The following CALU variants were observed in gnomAD, a reference collection of about 807,000 sequenced individuals.
CALU encodes IEF SSP 9302.
Under a neutral mutation model 37.5 loss-of-function variants are expected in CALU, and 13 were observed. The observed-to-expected ratio is 0.35, with a 90% CI of 0.23 to 0.55. The LOEUF is 0.55. CALU is among the 20% of genes least tolerant of loss of function. The probability of loss-of-function intolerance (pLI) is 0.89; values close to 1 mark genes in which losing one functional copy is unlikely to be tolerated. For synonymous variants in CALU, 114 were observed against 133.8 expected (o/e 0.85, Z 1.02); for missense variants, 282 against 391.7 (o/e 0.72, Z 2.36).
intron 1 of CALU, among the ~76,000 whole-genome samples, chr7:128,746,360 A>G (rs1033087775): frequency 3.3e-5 from 5 of 150,926 alleles, no homozygotes; most frequent in Admixed American, 1.3e-4. Context: ...GTTTCACCGT[A>G]TTTCCCAGGG....
intron 4 of CALU, 30 bp downstream of exon 4, chr7:128,759,067 A>T (rs774478428): frequency 1.3e-6 from 2 of 1,568,414 alleles, no homozygotes; most frequent in African/African-American, 2.7e-5. Context: ...CTGAACAGGG[A>T]CTCAGTTTCT....
At chr7:128,768,858 A>C (rs968523799) in intron 6 of CALU, among the ~76,000 whole-genome samples, 1 of 150,384 alleles carries the variant, frequency 6.6e-6, no homozygotes, top group Non-Finnish European at 1.5e-5. Context: ...AAAAAAAAAA[A>C]AAAAAAAAAA....
chr7:128,742,529 A>G (rs1800277998), intron 1 of CALU, among the ~76,000 whole-genome samples: 1 of 152,222 alleles, frequency 6.6e-6, no homozygotes, highest in Non-Finnish European at 1.5e-5. Context: ...TCCCTGAAAC[A>G]ATTTAAGTAT....
At chr7:128,761,328 G>T (rs536713684) in intron 5 of CALU, 1 of 152,250 alleles carries the variant, frequency 6.6e-6, no homozygotes, top group South Asian at 2.1e-4. Flanking sequence ...AAATTAAAAT[G>T]AGTAAAGGAG....
chr7:128,767,681 C>G (rs377268202), intron 6 of CALU, 26 bp downstream of exon 6: 17 of 1,584,946 alleles, frequency 1.1e-5, no homozygotes, highest in African/African-American at 2.7e-5. Flanking sequence ...CCCACACGCT[C>G]TATCCTTGAT....
chr7:128,764,728 C>CT (rs892130255), intron 5 of CALU, among the ~76,000 whole-genome samples: 70 of 142,268 alleles, frequency 4.9e-4, no homozygotes, highest in Middle Eastern at 3.6e-3. Context: ...TTCTTTGGTA[C>CT]TTTTTTTTTT....
chr7:128,745,290 G>GT (rs1800387097), intron 1 of CALU, among the ~76,000 whole-genome samples: 1 of 152,186 alleles, frequency 6.6e-6, no homozygotes, highest in African/African-American at 2.4e-5. Context: ...ATATAATTCT[G>GT]TTTTTTGTTT....
intron 5 of CALU, among the ~76,000 whole-genome samples, chr7:128,762,575 AG>A (rs1345440913): frequency 6.6e-6 from 1 of 151,768 alleles, no homozygotes. Flanking sequence ...ACATAGGGAA[AG>A]AAAAAAAAAA....
chr7:128,760,420 A>G (rs1210250568), intron 5 of CALU, among the ~76,000 whole-genome samples: 1 of 152,198 alleles, frequency 6.6e-6, no homozygotes, highest in Non-Finnish European at 1.5e-5. Flanking sequence ...AAAGAAACAG[A>G]TGAAATTTCA....
At chr7:128,756,032 C>G (rs1800871085) in intron 3 of CALU, among the ~76,000 whole-genome samples, 16 of 152,198 alleles carry the variant, frequency 1.1e-4, no homozygotes, top group Admixed American at 1.0e-3. Flanking sequence ...AAGTGGCACT[C>G]TCTCTCAATG....
Position 128,770,605 on chromosome 7 carries a change from A to G in CALU, c.*1438A>G, listed in dbSNP as rs1007415112. The G allele has an allele frequency of 6.6e-6, 1 of 151,400 alleles. No individual in the cohort carries two copies. 9.4% of individuals were successfully genotyped at this position (151,400 alleles called of 1,614,324 possible). On this transcript the variant is annotated 3_prime_UTR_variant, in exon 7 of 7. Coordinates refer to ENST00000249364, the MANE Select transcript of CALU (RefSeq NM_001219.5). ...AAAAAAAAAAAAGGAAACGTTTATC[A>G]TGAATCAACAGGGTTTCAGTCCTTA...
chr7:128,753,916 A>T (rs981277976), intron 2 of CALU, among the ~76,000 whole-genome samples: 15 of 152,224 alleles, frequency 9.9e-5, no homozygotes, highest in African/African-American at 3.6e-4. Flanking sequence ...ATAAAAATGA[A>T]AACAAGGAAA....
At chr7:128,743,739 A>G (rs1800326261) in intron 1 of CALU, among the ~76,000 whole-genome samples, 1 of 152,040 alleles carries the variant, frequency 6.6e-6, no homozygotes, top group Non-Finnish European at 1.5e-5. Flanking sequence ...CTTGAACACC[A>G]GCATTCCATC....
chr7:128,744,067 G>A (rs868447605), intron 1 of CALU, among the ~76,000 whole-genome samples: 3 of 152,078 alleles, frequency 2.0e-5, no homozygotes, highest in African/African-American at 7.2e-5. Context: ...TTATTCGGGC[G>A]TGGTAGACCA....
At chr7:128,755,473 AT>A (rs1417446979) in intron 3 of CALU, among the ~76,000 whole-genome samples, 1 of 152,188 alleles carries the variant, frequency 6.6e-6, no homozygotes, top group East Asian at 1.9e-4. Context: ...TCTTAATAAA[AT>A]AGTTTTCCTT....
chr7:128,773,350 T>C lies in CALU; in HGVS notation c.*4183T>C, dbSNP rs1264842990. On this transcript the variant is annotated 3_prime_UTR_variant, in exon 7 of 7. Coordinates refer to ENST00000249364, the MANE Select transcript of CALU (RefSeq NM_001219.5). Reference sequence around the variant, plus strand: ...TGCAGGTTTGTTACATAGGTAAACGTGTGCCATGGTGGTTTGCTGCACGAG... The same window carrying C: ...TGCAGGTTTGTTACATAGGTAAACGCGTGCCATGGTGGTTTGCTGCACGAG... 6.6e-6 allele frequency among the ~76,000 whole-genome samples: 1 copy of C among 152,230 alleles called. No homozygotes were observed. The highest frequency in any genetic ancestry group is 6.5e-5 in the Admixed American group (1 of 15,282).
Position 128,748,824 on chromosome 7 carries a change from G to T in CALU, c.221+20G>T, listed in dbSNP as rs369536541. The T allele has an allele frequency of 1.8e-5, 28 of 1,517,506 alleles. No individual in the cohort carries two copies. Among genetic ancestry groups the T allele is most frequent in the Non-Finnish European group, 2.5e-5 (27 of 1,092,956 alleles). The allele number at this position is 1,517,506 out of a possible 1,614,324, so 94.0% of individuals were successfully genotyped here. A position where few individuals can be genotyped will look rare whatever the true frequency, so the allele number is the denominator to read the frequency against. ...GCTTGGGTAAGGTACCACCTCTCAG[G>T]GGTCTAGTGTGGGTAATGACATTCT... On this transcript the variant is annotated intron_variant, in intron 2 of 6. Transcript: ENST00000249364.
chr7:128,766,876 G>T (rs958868647), intron 5 of CALU, among the ~76,000 whole-genome samples: 1 of 152,216 alleles, frequency 6.6e-6, no homozygotes. Context: ...GTTGTGAAAG[G>T]GGGGAGATGG....
intron 1 of CALU, among the ~76,000 whole-genome samples, chr7:128,744,132 G>A (rs1218631074): frequency 6.6e-6 from 1 of 152,160 alleles, no homozygotes; most frequent in African/African-American, 2.4e-5. Flanking sequence ...CTTGAACCCA[G>A]GAGGTGGAGG....
Sources: gnomAD v4.1 joint callset for allele counts (sites outside exome capture counted in the v4.1 genomes callset) on GRCh38, gnomAD v4.1.1 for gene constraint, MANE v1.5 for transcripts, NCBI Gene and HGNC (gene_info 2026-07-23, HGNC 2026-07-21) for gene names.